Variants in RYR2 observed in about 807,000 individuals in gnomAD.
RYR2 encodes the protein ryanodine receptor 2.
Under a neutral mutation model 601.1 loss-of-function variants are expected in RYR2, and 227 were observed. That is an observed-to-expected ratio of 0.38 (90% CI 0.34 to 0.42). The LOEUF is 0.42. RYR2 is among the 10% of genes least tolerant of loss of function. The pLI is 1.00. For synonymous variants in RYR2, 2,223 were observed against 2,175.1 expected, an observed-to-expected ratio of 1.02 and a Z score of -0.61; for missense variants, 4,646 against 6,156.5, an observed-to-expected ratio of 0.75 and a Z score of 8.21.
intron 51 of RYR2, among the ~76,000 whole-genome samples, chr1:237,653,320 C>T (rs757231778): frequency 1.3e-5 from 2 of 152,174 alleles, no homozygotes; most frequent in Non-Finnish European, 2.9e-5. Context: ...CAAAAAGAAT[C>T]ACAGATGTAT....
chr1:237,640,853 G>A, intron 46 of RYR2, 44 bp from the exon 47 acceptor site: 2 of 1,467,984 alleles, frequency 1.4e-6, no homozygotes, highest in East Asian at 2.3e-5. Context: ...TGAAATGTCA[G>A]TTATCCCATT....
At chr1:237,602,997 A>T (rs1179597892) in intron 35 of RYR2, among the ~76,000 whole-genome samples, 1 of 152,202 alleles carries the variant, frequency 6.6e-6, no homozygotes, top group Admixed American at 6.5e-5. Flanking sequence ...CATTCTAGAG[A>T]AGAAATGAAT....
intron 1 of RYR2, among the ~76,000 whole-genome samples, chr1:237,191,856 G>A (rs1679998834): frequency 6.6e-6 from 1 of 152,166 alleles, no homozygotes; most frequent in Admixed American, 6.5e-5. Context: ...GGAGCTCTCT[G>A]TTTTTGTTGC....
chr1:237,102,814 C>A (rs1668263271), intron 1 of RYR2, among the ~76,000 whole-genome samples: 1 of 152,006 alleles, frequency 6.6e-6, no homozygotes, highest in African/African-American at 2.4e-5. Flanking sequence ...AAGATGGCAC[C>A]CCTGCACTCC....
chr1:237,550,114 TGAA>T (rs1256611994), intron 26 of RYR2, among the ~76,000 whole-genome samples: 1 of 152,208 alleles, frequency 6.6e-6, no homozygotes, highest in Admixed American at 6.5e-5. Context: ...TGGAATTTTT[TGAA>T]GAAGGGAAAG....
At position 237,270,586 on chromosome 1, in the gene RYR2, T is replaced by C; in HGVS notation, c.138T>C (p.Leu46=). ...CAGCAGAAGGATTTGGCAACAGACT[T>C]TGTTTCTTGGAGTCCACTTCCAATT... ...CLAAEGFGNR[L]CFLESTSNSK... The change falls in exon 2 of 105, where the codon CTT becomes CTC. Residue 46 remains leucine (L), a synonymous_variant. Coordinates refer to ENST00000366574, the MANE Select transcript of RYR2 (RefSeq NM_001035.3). 6.3e-7 allele frequency: 1 copy of C among 1,594,140 alleles called. No homozygotes were observed. The highest frequency in any genetic ancestry group is 1.1e-5 in the South Asian group (1 of 87,288).
chr1:237,750,273 A>G (rs12095192), intron 80 of RYR2, among the ~76,000 whole-genome samples: 3,837 of 152,306 alleles, frequency 0.025, 47 homozygotes, highest in Middle Eastern at 0.048. Flanking sequence ...AGGGGAAAAA[A>G]AAACTATTGA....
At chr1:237,544,290 G>C (rs931762832) in intron 25 of RYR2, among the ~76,000 whole-genome samples, 1 of 152,104 alleles carries the variant, frequency 6.6e-6, no homozygotes, top group Non-Finnish European at 1.5e-5. Context: ...GGGGGTAAAA[G>C]CTACTTATAC....
chr1:237,215,499 T>A (rs1285605612), intron 1 of RYR2, among the ~76,000 whole-genome samples: 1 of 152,144 alleles, frequency 6.6e-6, no homozygotes, highest in Non-Finnish European at 1.5e-5. Flanking sequence ...CTTTTATTAT[T>A]TCATATTTTT....
At chr1:237,457,642 G>A (rs955997316) in intron 16 of RYR2, among the ~76,000 whole-genome samples, 4 of 152,140 alleles carry the variant, frequency 2.6e-5, no homozygotes, top group African/African-American at 4.8e-5. Context: ...GGGAGTGTGA[G>A]TTAGTTACAC....
intron 58 of RYR2, among the ~76,000 whole-genome samples, chr1:237,673,212 A>G (rs1002954113): frequency 2.6e-5 from 4 of 152,058 alleles, no homozygotes; most frequent in Non-Finnish European, 5.9e-5. Context: ...ATTACCACAC[A>G]TGTTTTACGA....
intron 3 of RYR2, among the ~76,000 whole-genome samples, chr1:237,351,854 C>CAAAAAAAAAAAAAAAAAA (rs33955032): frequency 4.9e-5 from 2 of 40,926 alleles, no homozygotes; most frequent in Non-Finnish European, 9.4e-5. Context: ...AAAGACCATG[C>CAAAAAAAAAAAAAAAAAA]AAAAAAAAAA....
chr1:237,298,550 T>C (rs1293265276), intron 2 of RYR2, among the ~76,000 whole-genome samples: 1 of 152,098 alleles, frequency 6.6e-6, no homozygotes, highest in East Asian at 1.9e-4. Context: ...GGTGTCAAAA[T>C]CCTTAACCTT....
At chr1:237,435,783 A>G (rs1413733399) in intron 12 of RYR2, among the ~76,000 whole-genome samples, 1 of 152,216 alleles carries the variant, frequency 6.6e-6, no homozygotes, top group African/African-American at 2.4e-5. Context: ...TCATATATGG[A>G]AACATTGTGA....
chr1:237,047,317 C>A (rs1268745430), intron 1 of RYR2, among the ~76,000 whole-genome samples: 1 of 150,778 alleles, frequency 6.6e-6, no homozygotes, highest in Non-Finnish European at 1.5e-5. Context: ...TTTGTCTTTT[C>A]TAATGTTACA....
chr1:237,698,419 C>T (rs769796791), intron 63 of RYR2, among the ~76,000 whole-genome samples: 7 of 151,440 alleles, frequency 4.6e-5, no homozygotes, highest in East Asian at 1.9e-4. Context: ...TTTTACATGA[C>T]GTTTTGGTGC....
intron 88 of RYR2, among the ~76,000 whole-genome samples, chr1:237,780,977 G>T (rs1695057376): frequency 6.6e-6 from 1 of 152,156 alleles, no homozygotes; most frequent in East Asian, 1.9e-4. Flanking sequence ...CTTGAGTCTT[G>T]CTTGGCATTG....
intron 96 of RYR2, among the ~76,000 whole-genome samples, chr1:237,797,209 C>G (rs1196605548): frequency 6.6e-6 from 1 of 152,020 alleles, no homozygotes; most frequent in Non-Finnish European, 1.5e-5. Context: ...AAGCCCTGCT[C>G]TAAAAACATG....
At chr1:237,586,299 C>T (rs1053262270) in intron 29 of RYR2, among the ~76,000 whole-genome samples, 1 of 152,080 alleles carries the variant, frequency 6.6e-6, no homozygotes, top group South Asian at 2.1e-4. Context: ...CGTATTTACT[C>T]CTGTGTATGT....
Sources: allele counts gnomAD v4.1 joint callset (sites outside exome capture counted in the v4.1 genomes callset), GRCh38; gene constraint gnomAD v4.1.1; transcripts MANE v1.5; gene names NCBI Gene and HGNC (gene_info 2026-07-23, HGNC 2026-07-21).